Variants in DYM observed in about 807,000 individuals in gnomAD.
The protein encoded by DYM is dymeclin.
In DYM, 78 loss-of-function variants were observed where a neutral mutation model predicts 93.1. That is an observed-to-expected ratio of 0.84 (90% CI 0.70 to 1.01). The LOEUF (loss-of-function observed/expected upper bound fraction) is 1.01. DYM is among the 50% of genes least tolerant of loss of function. The probability of loss-of-function intolerance (pLI) is 0.00; values close to 1 mark genes in which losing one functional copy is unlikely to be tolerated. For synonymous variants in DYM, 321 were observed against 319.7 expected (o/e 1.00, Z -0.04); for missense variants, 789 against 845.0 (o/e 0.93, Z 0.82).
intron 7 of DYM, among the ~76,000 whole-genome samples, chr18:49,332,590 T>A (rs911194530): frequency 6.6e-6 from 1 of 152,236 alleles, no homozygotes; most frequent in African/African-American, 2.4e-5. Context: ...ATTCAATTAT[T>A]CAATTGGTAT....
intron 13 of DYM, among the ~76,000 whole-genome samples, chr18:49,250,985 G>A (rs527479240): frequency 2.0e-5 from 3 of 152,230 alleles, no homozygotes; most frequent in African/African-American, 7.2e-5. Flanking sequence ...TTTCTTGTGG[G>A]GTCTGTAGTG....
intron 17 of DYM, among the ~76,000 whole-genome samples, chr18:49,076,999 G>A (rs1355975044): frequency 6.6e-6 from 1 of 152,190 alleles, no homozygotes; most frequent in African/African-American, 2.4e-5. Context: ...CAACACGGGA[G>A]CTTCACAGGA....
At chr18:49,137,519 T>A (rs1290707945) in intron 15 of DYM, among the ~76,000 whole-genome samples, 2 of 152,158 alleles carry the variant, frequency 1.3e-5, no homozygotes, top group Non-Finnish European at 2.9e-5. Context: ...TAATCAACCA[T>A]GTTGATTAAG....
chr18:49,057,523 G>A (rs2075605515), intron 17 of DYM, among the ~76,000 whole-genome samples: 1 of 152,246 alleles, frequency 6.6e-6, no homozygotes, highest in South Asian at 2.1e-4. Flanking sequence ...GGGGCGGGGG[G>A]TTTGGTAGTG....
intron 15 of DYM, among the ~76,000 whole-genome samples, chr18:49,158,474 A>G (rs893290790): frequency 2.6e-5 from 4 of 152,182 alleles, no homozygotes; most frequent in Non-Finnish European, 4.4e-5. Context: ...AAGAGTAACA[A>G]ATTTCAGCTT....
intron 17 of DYM, among the ~76,000 whole-genome samples, chr18:49,074,006 G>A (rs948414691): frequency 6.6e-6 from 1 of 152,146 alleles, no homozygotes; most frequent in Non-Finnish European, 1.5e-5. Flanking sequence ...GAGTCTCCCA[G>A]CTTATTTTAA....
At chr18:49,081,142 C>A (rs1265782707) in intron 17 of DYM, among the ~76,000 whole-genome samples, 1 of 150,788 alleles carries the variant, frequency 6.6e-6, no homozygotes, top group Non-Finnish European at 1.5e-5. Flanking sequence ...CTTTGGGAGG[C>A]CAAGGCAGGC....
chr18:49,239,580 G>C (rs957917286), intron 13 of DYM, among the ~76,000 whole-genome samples: 3 of 152,176 alleles, frequency 2.0e-5, no homozygotes, highest in African/African-American at 7.2e-5. Flanking sequence ...GCCACTCTTG[G>C]GATGTCCCCT....
chr18:49,445,549 G>GA lies in DYM; in HGVS notation c.-54+14848dup, dbSNP rs532978831. Among the ~76,000 whole-genome samples, 715 of 152,044 alleles carry GA rather than the reference G, an allele frequency of 4.7e-3. 7 individuals carry two copies. Among genetic ancestry groups the GA allele is most frequent in the Middle Eastern group, 0.014 (4 of 294 alleles). ...GACAAATAAGTGAAAAACAGGAGGA[G>GA]AAAAAATAGAAAATTTAAAGAACAA... On this transcript the variant is annotated intron_variant, in intron 1 of 17. Coordinates refer to ENST00000675505, the MANE Select transcript of DYM (RefSeq NM_001353214.3).
intron 5 of DYM, among the ~76,000 whole-genome samples, chr18:49,376,602 G>C (rs946654173): frequency 1.3e-5 from 2 of 152,154 alleles, no homozygotes; most frequent in African/African-American, 4.8e-5. Flanking sequence ...GCATTGCTAT[G>C]AGGCAGTAGT....
intron 15 of DYM, among the ~76,000 whole-genome samples, chr18:49,134,904 CGA>C (rs2083689112): frequency 6.6e-6 from 1 of 152,076 alleles, no homozygotes; most frequent in Non-Finnish European, 1.5e-5. Context: ...GTCAGGAGTT[CGA>C]GACCAGCCTG....
At chr18:49,136,002 G>C (rs1023375336) in intron 15 of DYM, among the ~76,000 whole-genome samples, 13 of 152,162 alleles carry the variant, frequency 8.5e-5, no homozygotes, top group African/African-American at 2.4e-4. Flanking sequence ...CCTACATTTT[G>C]TCCAAACAAC....
At chr18:49,106,997 A>G (rs377202309) in intron 16 of DYM, among the ~76,000 whole-genome samples, 1 of 152,112 alleles carries the variant, frequency 6.6e-6, no homozygotes, top group Non-Finnish European at 1.5e-5. Flanking sequence ...ATCCTGCAGA[A>G]TGTTTTCCAA....
chr18:49,237,272 T>C (rs1568076787), intron 13 of DYM, among the ~76,000 whole-genome samples: 1 of 152,186 alleles, frequency 6.6e-6, no homozygotes, highest in South Asian at 2.1e-4. Context: ...TTTGTATGTG[T>C]CTAGACATGC....
chr18:49,101,293 C>G (rs1196200004), intron 16 of DYM, among the ~76,000 whole-genome samples: 1 of 152,170 alleles, frequency 6.6e-6, no homozygotes, highest in African/African-American at 2.4e-5. Context: ...AAGGAAGGTA[C>G]TTTTCCAAAG....
At chr18:49,420,536 G>A (rs2073549055) in intron 2 of DYM, among the ~76,000 whole-genome samples, 1 of 152,004 alleles carries the variant, frequency 6.6e-6, no homozygotes, top group Non-Finnish European at 1.5e-5. Context: ...AAAATTTGGG[G>A]GGAGGTTCCA....
chr18:49,410,328 G>A (rs1480557612), intron 2 of DYM, among the ~76,000 whole-genome samples: 2 of 152,020 alleles, frequency 1.3e-5, no homozygotes, highest in East Asian at 1.9e-4. Flanking sequence ...CCAAAGTACT[G>A]GGATTACAGG....
chr18:49,289,730 TATA>T (rs2059926712), intron 8 of DYM, among the ~76,000 whole-genome samples: 1 of 7,260 alleles, frequency 1.4e-4, no homozygotes, highest in Non-Finnish European at 3.4e-4. Flanking sequence ...TATATGTGTA[TATA>T]TATATATATA....
intron 1 of DYM, among the ~76,000 whole-genome samples, chr18:49,458,180 A>T (rs1158625667): frequency 6.6e-6 from 1 of 152,250 alleles, no homozygotes; most frequent in African/African-American, 2.4e-5. Flanking sequence ...AAGCATAACC[A>T]AATTGCCCAA....
Sources: allele counts gnomAD v4.1 joint callset (sites outside exome capture counted in the v4.1 genomes callset), GRCh38; gene constraint gnomAD v4.1.1; transcripts MANE v1.5; gene names NCBI Gene and HGNC (gene_info 2026-07-23, HGNC 2026-07-21).